The following TSPAN7 variants were observed in gnomAD, a reference collection of about 807,000 sequenced individuals.
TSPAN7 encodes the protein tetraspanin 7, also known as tetraspanin-7.
Under a neutral mutation model 17.6 loss-of-function variants are expected in TSPAN7, and 1 was observed. The observed-to-expected ratio is 0.06, with a 90% confidence interval of 0.02 to 0.27. The LOEUF (loss-of-function observed/expected upper bound fraction) is 0.27, where lower values mean the gene tolerates loss of function less well. TSPAN7 is among the 10% of genes least tolerant of loss of function. The pLI is 1.00. For missense variants in TSPAN7, 112 were observed against 201.7 expected (o/e 0.56, Z 2.69); for synonymous variants, 78 against 79.0 (o/e 0.99, Z 0.07).
intron 1 of TSPAN7, among the ~76,000 whole-genome samples, chrX:38,621,993 G>A (rs2069491152): frequency 8.9e-6 from 1 of 112,011 alleles, no homozygotes; most frequent in Non-Finnish European, 1.9e-5. Context: ...GGCGTTTTAT[G>A]GCTAATAATC....
In TSPAN7 at chrX:38,688,886, T is replaced by C. The variant is rs192008565; in HGVS notation, c.*955T>C. 8.9e-6 allele frequency: 1 copy of C among 112,435 alleles called. No individual in the cohort carries two copies. Among genetic ancestry groups the C allele is most frequent in the Non-Finnish European group, 1.9e-5 (1 of 53,315 alleles). The allele number at this position is 112,435 out of a possible 1,213,427, so 9.3% of individuals were successfully genotyped here. On this transcript the variant is annotated 3_prime_UTR_variant, in exon 8 of 8. Transcript: ENST00000378482. ...GCATTGATATTGTGAACATTTGTGA[T>C]ATATGTATTAATAAATAGAGCAATT... is the stretch of plus-strand genomic sequence containing the variant.
chrX:38,652,436 C>T (rs995419241), intron 1 of TSPAN7, among the ~76,000 whole-genome samples: 15 of 111,807 alleles, frequency 1.3e-4, no homozygotes, highest in African/African-American at 4.2e-4. Flanking sequence ...GTTGTAACAC[C>T]TCCCAAGGCA....
intron 2 of TSPAN7, among the ~76,000 whole-genome samples, chrX:38,668,479 G>A (rs2069797798): frequency 8.9e-6 from 1 of 111,766 alleles, no homozygotes; most frequent in Admixed American, 9.4e-5. Context: ...TTTTTGGTTT[G>A]GGGCTTAATT....
At chrX:38,566,114 C>G (rs1016165724) in intron 1 of TSPAN7, among the ~76,000 whole-genome samples, 1 of 112,079 alleles carries the variant, frequency 8.9e-6, no homozygotes, top group African/African-American at 3.2e-5. Flanking sequence ...TTGGAACCAC[C>G]GTAGCAGAGC....
chrX:38,623,359 A>G (rs931948480), intron 1 of TSPAN7, among the ~76,000 whole-genome samples: 3 of 110,843 alleles, frequency 2.7e-5, no homozygotes, highest in African/African-American at 9.9e-5. Context: ...TTCAACTTCA[A>G]TCACTGAGAA....
chrX:38,652,721 G>C (rs749891193), intron 1 of TSPAN7, among the ~76,000 whole-genome samples: 1 of 112,469 alleles, frequency 8.9e-6, no homozygotes, highest in Non-Finnish European at 1.9e-5. Context: ...GAAAGGAGAA[G>C]GGAAAAGGCC....
intron 1 of TSPAN7, among the ~76,000 whole-genome samples, chrX:38,649,285 G>A (rs143967317): frequency 1.8e-5 from 2 of 111,497 alleles, no homozygotes; most frequent in Non-Finnish European, 3.8e-5. Context: ...AGTCAGAAGG[G>A]GGGTGGTGGT....
chrX:38,657,697 T>A (rs111881146), intron 1 of TSPAN7, among the ~76,000 whole-genome samples: 6,567 of 112,420 alleles, frequency 0.058, 497 homozygotes, highest in African/African-American at 0.2. Context: ...GACACAGATA[T>A]GCAACATGAC....
At chrX:38,609,420 T>C (rs1328761484) in intron 1 of TSPAN7, among the ~76,000 whole-genome samples, 2 of 111,301 alleles carry the variant, frequency 1.8e-5, no homozygotes, top group African/African-American at 6.5e-5. Flanking sequence ...GCTACGTGTA[T>C]GAAACTATTT....
intron 1 of TSPAN7, among the ~76,000 whole-genome samples, chrX:38,659,720 C>T (rs1486040114): frequency 1.6e-4 from 17 of 107,091 alleles, no homozygotes; most frequent in Non-Finnish European, 1.5e-4. Context: ...TGGCCTCGAA[C>T]TCCTGGGCTC....
chrX:38,674,428 T>G (rs2069840502), intron 4 of TSPAN7, 112 bp downstream of exon 4: 2 of 661,137 alleles, frequency 3.0e-6, no homozygotes, highest in Admixed American at 5.3e-5. Context: ...TCTTCAACTC[T>G]TAGTCCAGTT....
intron 1 of TSPAN7, among the ~76,000 whole-genome samples, chrX:38,614,453 G>C (rs2069441665): frequency 8.9e-6 from 1 of 112,590 alleles, no homozygotes; most frequent in Non-Finnish European, 1.9e-5. Flanking sequence ...TTTGTGTTTT[G>C]AAACCCTGTG....
intron 1 of TSPAN7, among the ~76,000 whole-genome samples, chrX:38,571,744 A>T (rs912181117): frequency 2.7e-4 from 25 of 91,986 alleles, no homozygotes; most frequent in Admixed American, 2.1e-3. Flanking sequence ...TGTGTGAGTT[A>T]AAAAAAAAAA....
intron 1 of TSPAN7, among the ~76,000 whole-genome samples, chrX:38,619,936 T>C (rs1428610199): frequency 8.9e-6 from 1 of 112,347 alleles, no homozygotes; most frequent in Non-Finnish European, 1.9e-5. Context: ...ACATAATGTA[T>C]TTTCCCATTC....
chrX:38,613,747 C>G (rs903939369), intron 1 of TSPAN7, among the ~76,000 whole-genome samples: 2 of 110,785 alleles, frequency 1.8e-5, no homozygotes, highest in Non-Finnish European at 3.8e-5. Flanking sequence ...CTGACTATGC[C>G]TCCCAGGATA....
chrX:38,637,092 A>C (rs1306341407), intron 1 of TSPAN7, among the ~76,000 whole-genome samples: 1 of 112,070 alleles, frequency 8.9e-6, no homozygotes, highest in Non-Finnish European at 1.9e-5. Flanking sequence ...TCATTGTTAC[A>C]TCCTGACTTT....
intron 1 of TSPAN7, 103 bp downstream of exon 1, chrX:38,561,730 A>C: frequency 1.2e-4 from 79 of 662,780 alleles, no homozygotes; most frequent in East Asian, 1.8e-4. Flanking sequence ...CAAAAATCAA[A>C]TCTGGGACCC....
At chrX:38,614,437 C>T (rs1428633958) in intron 1 of TSPAN7, among the ~76,000 whole-genome samples, 2 of 112,440 alleles carry the variant, frequency 1.8e-5, no homozygotes, top group Admixed American at 9.3e-5. Context: ...TGAATGCAGT[C>T]CAAGATTTGT....
At chrX:38,579,895 T>G (rs375112664) in intron 1 of TSPAN7, among the ~76,000 whole-genome samples, 1 of 111,995 alleles carries the variant, frequency 8.9e-6, no homozygotes, top group African/African-American at 3.2e-5. Flanking sequence ...TGTCATAAAT[T>G]CAGAGTTTAT....
Sources: allele counts gnomAD v4.1 joint callset (sites outside exome capture counted in the v4.1 genomes callset), GRCh38; gene constraint gnomAD v4.1.1; transcripts MANE v1.5; gene names NCBI Gene and HGNC (gene_info 2026-07-23, HGNC 2026-07-21).